RASGEF1C: variants seen among roughly 807,000 people sequenced by gnomAD.
RASGEF1C encodes ras-GEF domain-containing family member 1C.
A neutral mutation model predicts 58.1 loss-of-function variants in RASGEF1C; 27 were observed. The ratio of observed to expected loss-of-function variants is 0.46; its 90% CI spans 0.34 to 0.64. The LOEUF (loss-of-function observed/expected upper bound fraction) is 0.64, where lower values mean the gene tolerates loss of function less well. RASGEF1C is among the 30% of genes least tolerant of loss of function. The probability of loss-of-function intolerance (pLI) is 0.01; values close to 1 mark genes in which losing one functional copy is unlikely to be tolerated. For synonymous variants in RASGEF1C, 243 were observed against 246.3 expected (o/e 0.99, Z 0.13); for missense variants, 502 against 605.1 (o/e 0.83, Z 1.79).
rs1413051562 is a variant in RASGEF1C at position 180,209,129 on chromosome 5, CCGCCG to C, written c.-113_-109del. 1 of 16,764 alleles carries C rather than the reference CCGCCG, an allele frequency of 6.0e-5. No homozygotes were observed. The allele number at this position is 16,764 out of a possible 1,614,324, so 1.0% of individuals were successfully genotyped here. ...GCGCCGCCCGCCGCCGCCGCCGCCG[CCGCCG>C]CCGCCGCCGCCGCCGCCCGACCGCC... On this transcript the variant is annotated 5_prime_UTR_variant, in exon 1 of 14. Transcript: ENST00000361132.
At chr5:180,122,679 T>G (rs1766194971) in intron 6 of RASGEF1C, among the ~76,000 whole-genome samples, 1 of 149,336 alleles carries the variant, frequency 6.7e-6, no homozygotes, top group Non-Finnish European at 1.5e-5. Context: ...AGGCAGAGGT[T>G]GCAGTGAGCC....
At chr5:180,153,366 G>C (rs1277400233) in intron 1 of RASGEF1C, among the ~76,000 whole-genome samples, 3 of 152,222 alleles carry the variant, frequency 2.0e-5, no homozygotes, top group African/African-American at 4.8e-5. Flanking sequence ...GGGATTTGGG[G>C]GTGGGGGATA....
intron 4 of RASGEF1C, among the ~76,000 whole-genome samples, chr5:180,133,427 G>GT (rs1766403641): frequency 6.6e-6 from 1 of 152,152 alleles, no homozygotes. Flanking sequence ...GAGCTCTGTG[G>GT]TTCCCTCACA....
intron 1 of RASGEF1C, among the ~76,000 whole-genome samples, chr5:180,161,009 G>A (rs1326848006): frequency 6.6e-6 from 1 of 152,218 alleles, no homozygotes; most frequent in Non-Finnish European, 1.5e-5. Flanking sequence ...GAAGTTGTGG[G>A]TGCAAAGAGA....
chr5:180,123,440 T>G (rs1270296537), intron 6 of RASGEF1C, among the ~76,000 whole-genome samples: 5 of 152,254 alleles, frequency 3.3e-5, no homozygotes, highest in African/African-American at 1.2e-4. Context: ...GAATACGCAT[T>G]CTTTTCAAAT....
At chr5:180,185,991 G>C (rs549096652) in intron 1 of RASGEF1C, among the ~76,000 whole-genome samples, 13 of 151,662 alleles carry the variant, frequency 8.6e-5, no homozygotes, top group African/African-American at 2.7e-4. Context: ...CCAGCTACTT[G>C]GGAAGCTAGA....
At chr5:180,103,394 A>C (rs1765830401) in intron 12 of RASGEF1C, among the ~76,000 whole-genome samples, 1 of 152,152 alleles carries the variant, frequency 6.6e-6, no homozygotes. Flanking sequence ...ATTAACTTTT[A>C]GCGTACACGT....
intron 1 of RASGEF1C, among the ~76,000 whole-genome samples, chr5:180,207,211 T>C (rs1333151087): frequency 6.6e-6 from 1 of 152,204 alleles, no homozygotes; most frequent in Non-Finnish European, 1.5e-5. Flanking sequence ...GTGGATGCAG[T>C]CATTCTGAAA....
rs1412388210 is a variant in RASGEF1C at position 180,143,036 on chromosome 5, C to A, written c.-6-4978G>T. Reference sequence around the variant, plus strand: ...CCTGTCCCACTGCCTGGCCCCCAGCCCCTCAGGCATCTCTCCTTGTGTGTG... The same window carrying A: ...CCTGTCCCACTGCCTGGCCCCCAGCACCTCAGGCATCTCTCCTTGTGTGTG... On this transcript the variant is annotated intron_variant, in intron 1 of 13. Coordinates refer to ENST00000361132, the MANE Select transcript of RASGEF1C (RefSeq NM_175062.4). The surrounding 1 kb of genome is among the most constrained non-coding windows in gnomAD (Gnocchi z 4.3). 6.6e-6 allele frequency among the ~76,000 whole-genome samples: 1 copy of A among 152,146 alleles called. No homozygotes were observed. Among genetic ancestry groups the A allele is most frequent in the African/African-American group, 2.4e-5 (1 of 41,446 alleles).
intron 1 of RASGEF1C, among the ~76,000 whole-genome samples, chr5:180,186,792 C>T (rs7700543): frequency 0.35 from 53,272 of 152,026 alleles, 10,746 homozygotes; most frequent in Middle Eastern, 0.47. Flanking sequence ...ATAGTGAAAC[C>T]TCATCTCTAC....
At chr5:180,180,601 G>C (rs1340561154) in intron 1 of RASGEF1C, among the ~76,000 whole-genome samples, 1 of 152,228 alleles carries the variant, frequency 6.6e-6, no homozygotes, top group Non-Finnish European at 1.5e-5. Context: ...GCCCCAGACT[G>C]GCCATCGGTG....
chr5:180,148,983 G>C (rs900797079), intron 1 of RASGEF1C, among the ~76,000 whole-genome samples: 3 of 151,952 alleles, frequency 2.0e-5, no homozygotes, highest in African/African-American at 7.2e-5. Context: ...CCATACATAG[G>C]ATTCTTGGTT....
At chr5:180,120,711 G>A (rs1766152798) in intron 7 of RASGEF1C, among the ~76,000 whole-genome samples, 1 of 152,204 alleles carries the variant, frequency 6.6e-6, no homozygotes, top group African/African-American at 2.4e-5. Flanking sequence ...TAGGTCCCGA[G>A]CCAGCCAAAC....
At chr5:180,121,219 C>G in intron 6 of RASGEF1C, 70 bp from the exon 7 acceptor site, 1 of 1,058,598 alleles carries the variant, frequency 9.4e-7, no homozygotes, top group Non-Finnish European at 1.5e-6. Flanking sequence ...AGCATGAAGT[C>G]AGTTCATGAT....
intron 11 of RASGEF1C, among the ~76,000 whole-genome samples, chr5:180,113,039 C>T (rs1468697194): frequency 1.5e-5 from 2 of 134,670 alleles, no homozygotes; most frequent in African/African-American, 5.6e-5. Context: ...ACGGAGGGAC[C>T]GGGGATGGAC....
chr5:180,153,164 T>C (rs915963921), intron 1 of RASGEF1C, among the ~76,000 whole-genome samples: 1 of 152,228 alleles, frequency 6.6e-6, no homozygotes, highest in East Asian at 1.9e-4. Context: ...GCTCTTTAAA[T>C]CCCATGGAAG....
intron 1 of RASGEF1C, among the ~76,000 whole-genome samples, chr5:180,162,184 G>T (rs1766953652): frequency 6.6e-6 from 1 of 152,184 alleles, no homozygotes; most frequent in Non-Finnish European, 1.5e-5. Context: ...CAGCTCTTTG[G>T]CTTCCTACTC....
At chr5:180,129,303 G>A (rs191415692) in intron 4 of RASGEF1C, among the ~76,000 whole-genome samples, 12 of 152,310 alleles carry the variant, frequency 7.9e-5, no homozygotes, top group East Asian at 1.9e-4. Flanking sequence ...ACAACTGCCC[G>A]GCTAACCAGT....
chr5:180,121,144 G>A lies in RASGEF1C; in HGVS notation c.720C>T (p.Cys240=). 6.2e-7 allele frequency: 1 copy of A among 1,613,278 alleles called. No homozygotes were observed. Among genetic ancestry groups the A allele is most frequent in the Non-Finnish European group, 8.5e-7 (1 of 1,179,278 alleles). The change falls in exon 7 of 14, where the codon TGC becomes TGT. Residue 240 remains cysteine, a synonymous_variant. Transcript: ENST00000361132. ...NKDPLASTKP[C]FSDKTSNLEA... The stretch of plus-strand genomic sequence containing the variant: ...CCAGGTTGCTGGTCTTGTCACTGAA[G>A]CAGGGCTAGAACAAACACAGCACAC...
Sources: gnomAD v4.1 joint callset for allele counts (sites outside exome capture counted in the v4.1 genomes callset) on GRCh38, gnomAD v4.1.1 for gene constraint, Gnocchi (gnomAD v3.1) non-coding constraint, MANE v1.5 for transcripts, NCBI Gene and HGNC (gene_info 2026-07-23, HGNC 2026-07-21) for gene names.